Variants in WWOX observed in about 807,000 individuals in gnomAD.
The protein encoded by WWOX is WW domain containing oxidoreductase.
A neutral mutation model predicts 46.2 loss-of-function variants in WWOX; 69 were observed. That is an observed-to-expected ratio of 1.49 (90% confidence interval 1.23 to 1.82). The LOEUF (loss-of-function observed/expected upper bound fraction) is 1.82. Ranked by LOEUF, WWOX falls within the 40% of genes most tolerant of loss-of-function variation. WWOX has a pLI of 0.00. For synonymous variants in WWOX, 359 were observed against 202.6 expected, an observed-to-expected ratio of 1.77 and a Z score of -6.56; for missense variants, 919 against 542.6, an observed-to-expected ratio of 1.69 and a Z score of -6.89.
At chr16:79,207,170 T>G (rs2051542713) in intron 8 of WWOX, among the ~76,000 whole-genome samples, 1 of 152,330 alleles carries the variant, frequency 6.6e-6, no homozygotes, top group South Asian at 2.1e-4. Flanking sequence ...CCGCAGCAGC[T>G]CTCTGATAAA....
At chr16:78,501,644 C>T (rs75774174) in intron 8 of WWOX, among the ~76,000 whole-genome samples, 6 of 151,958 alleles carry the variant, frequency 3.9e-5, no homozygotes, top group Admixed American at 1.3e-4. Flanking sequence ...TCACGCCATT[C>T]TCCTGCCTCA....
At chr16:78,759,852 C>G (rs1166397718) in intron 8 of WWOX, among the ~76,000 whole-genome samples, 1 of 152,084 alleles carries the variant, frequency 6.6e-6, no homozygotes, top group East Asian at 1.9e-4. Context: ...AGGGGAGAGT[C>G]CATTCCTTTC....
chr16:78,774,715 C>T (rs1184595053), intron 8 of WWOX, among the ~76,000 whole-genome samples: 2 of 151,800 alleles, frequency 1.3e-5, no homozygotes, highest in African/African-American at 2.4e-5. Context: ...GTACATGTCC[C>T]CACCCAACAC....
chr16:78,406,577 C>G (rs949716376), intron 6 of WWOX, among the ~76,000 whole-genome samples: 2 of 150,402 alleles, frequency 1.3e-5, no homozygotes. Context: ...TCTCAGTCTC[C>G]TGACCTCGTG....
intron 5 of WWOX, among the ~76,000 whole-genome samples, chr16:78,192,491 C>CAAAAAA (rs56109773): frequency 2.2e-4 from 19 of 86,750 alleles, no homozygotes; most frequent in African/African-American, 5.6e-4. Context: ...GACTCCGTCT[C>CAAAAAA]AAAAAAAAAA....
At chr16:78,617,230 G>T (rs936133427) in intron 8 of WWOX, among the ~76,000 whole-genome samples, 1 of 151,908 alleles carries the variant, frequency 6.6e-6, no homozygotes, top group Admixed American at 6.6e-5. Flanking sequence ...TGGGCAACAC[G>T]GTGAAACTAA....
chr16:78,741,988 C>G (rs550905662), intron 8 of WWOX, among the ~76,000 whole-genome samples: 1 of 152,170 alleles, frequency 6.6e-6, no homozygotes. Flanking sequence ...TCCCTCCTTA[C>G]CTGCCTCCTA....
At chr16:78,592,711 ATGG>A (rs1215861500) in intron 8 of WWOX, among the ~76,000 whole-genome samples, 6 of 152,214 alleles carry the variant, frequency 3.9e-5, no homozygotes, top group African/African-American at 1.4e-4. Flanking sequence ...GGACCCAAAC[ATGG>A]TGGTAAATTC....
At chr16:78,170,071 A>C (rs764001227) in intron 5 of WWOX, among the ~76,000 whole-genome samples, 1 of 152,164 alleles carries the variant, frequency 6.6e-6, no homozygotes, top group Non-Finnish European at 1.5e-5. Context: ...GACTTCCCAG[A>C]ATGTGTCTTG....
At position 78,878,986 on chromosome 16, in the gene WWOX, G is replaced by A. The variant is rs147001325; in HGVS notation, c.1057-332622G>A. Among the ~76,000 whole-genome samples, 796 of 150,684 alleles carry A rather than the reference G, an allele frequency of 5.3e-3. 8 individuals carry two copies. The highest frequency in any genetic ancestry group is 6.1e-3 in the Non-Finnish European group (416 of 67,774). ...GGAGGCTGAGGTGGGAGGATCGCTT[G>A]AGCCCAGGAATTTGAGGTTGCAGTG... On this transcript the variant is annotated intron_variant, in intron 8 of 8. Transcript: ENST00000566780.
chr16:78,372,276 G>T (rs1417150518), intron 5 of WWOX, among the ~76,000 whole-genome samples: 2 of 152,104 alleles, frequency 1.3e-5, no homozygotes, highest in African/African-American at 4.8e-5. Flanking sequence ...CTTTGATTCT[G>T]TGCAAATTCT....
intron 8 of WWOX, chr16:79,206,486 A>G (rs961329075): frequency 1.3e-5 from 2 of 152,250 alleles, no homozygotes; most frequent in Admixed American, 1.3e-4. Flanking sequence ...TCCCTGGCTC[A>G]TAGAGCTCTG....
chr16:79,161,669 C>T (rs2050489367), intron 8 of WWOX, among the ~76,000 whole-genome samples: 2 of 152,096 alleles, frequency 1.3e-5, no homozygotes, highest in Admixed American at 6.5e-5. Flanking sequence ...ATTACACCCA[C>T]CACCATGCCC....
chr16:78,921,247 C>A (rs1327054589), intron 8 of WWOX, among the ~76,000 whole-genome samples: 1 of 152,164 alleles, frequency 6.6e-6, no homozygotes, highest in Non-Finnish European at 1.5e-5. Context: ...CGAAACCGCA[C>A]TGTGCCAGAA....
At chr16:78,162,382 GTATGTGTATA>G (rs1352221040) in intron 4 of WWOX, among the ~76,000 whole-genome samples, 1 of 151,898 alleles carries the variant, frequency 6.6e-6, no homozygotes, top group Non-Finnish European at 1.5e-5. Flanking sequence ...GCTTTGACAT[GTATGTGTATA>G]TATGTGTATC....
At chr16:78,991,019 A>G (rs2046877038) in intron 8 of WWOX, among the ~76,000 whole-genome samples, 1 of 152,182 alleles carries the variant, frequency 6.6e-6, no homozygotes, top group South Asian at 2.1e-4. Context: ...ATTTTGTTAG[A>G]TTTATAAAGT....
At chr16:78,365,686 G>A (rs1196036643) in intron 5 of WWOX, among the ~76,000 whole-genome samples, 1 of 152,182 alleles carries the variant, frequency 6.6e-6, no homozygotes, top group Non-Finnish European at 1.5e-5. Flanking sequence ...ATTGCCAGAT[G>A]TGGAAGAAAT....
At chr16:79,193,134 G>A (rs955074268) in intron 8 of WWOX, among the ~76,000 whole-genome samples, 9 of 152,170 alleles carry the variant, frequency 5.9e-5, no homozygotes, top group African/African-American at 1.9e-4. Flanking sequence ...TCATTCTCTT[G>A]TGGGTGCTTT....
At chr16:78,622,990 C>T (rs978303232) in intron 8 of WWOX, among the ~76,000 whole-genome samples, 4 of 151,974 alleles carry the variant, frequency 2.6e-5, no homozygotes, top group African/African-American at 9.7e-5. Context: ...CCTAAGGAAG[C>T]CAGCAAGAAA....
Sources: allele counts gnomAD v4.1 joint callset (sites outside exome capture counted in the v4.1 genomes callset), GRCh38; gene constraint gnomAD v4.1.1; transcripts MANE v1.5; gene names NCBI Gene and HGNC (gene_info 2026-07-23, HGNC 2026-07-21).